The following WNK2 variants were observed in gnomAD, a reference collection of about 807,000 sequenced individuals.
WNK2 encodes the protein serine/threonine-protein kinase WNK2.
Under a neutral mutation model 192.1 loss-of-function variants are expected in WNK2, and 67 were observed. The ratio of observed to expected loss-of-function variants is 0.35; its 90% CI spans 0.29 to 0.43. The LOEUF is 0.43. Ranked by LOEUF, WNK2 falls within the 20% of genes least tolerant of loss-of-function variation. The pLI, the probability that WNK2 is intolerant of heterozygous loss-of-function variation, is 1.00. For synonymous variants in WNK2, 1,439 were observed against 1,393.9 expected (o/e 1.03, Z -0.72); for missense variants, 2,698 against 3,089.7 (o/e 0.87, Z 3.01).
chr9:93,207,520 C>A (rs1287563121), intron 2 of WNK2, among the ~76,000 whole-genome samples: 1 of 152,206 alleles, frequency 6.6e-6, no homozygotes, highest in Non-Finnish European at 1.5e-5. Context: ...TCAGGAGGAG[C>A]CCAACAGGCT....
intron 2 of WNK2, among the ~76,000 whole-genome samples, chr9:93,226,848 G>A (rs1402661803): frequency 1.3e-5 from 2 of 152,188 alleles, no homozygotes; most frequent in African/African-American, 4.8e-5. Flanking sequence ...GATGGGTGCG[G>A]CATGGTTCAT....
rs750579358 is a variant in WNK2, at chr9:93,200,589, G to T, written c.681+14979G>T. 3.9e-5 allele frequency among the ~76,000 whole-genome samples: 6 copies of T among 152,312 alleles called. No individual in the cohort carries two copies. In the South Asian group the frequency reaches 1.2e-3, roughly 32 times the overall value. ...TGCCCTTGGCTTGGTGTGGTTGGAC[G>T]CAGTGAACTTGGCACCCTCGTTTGC... On this transcript the variant is annotated intron_variant, in intron 2 of 29. Transcript: ENST00000427277.
intron 2 of WNK2, among the ~76,000 whole-genome samples, chr9:93,205,626 C>T (rs1833221852): frequency 6.6e-6 from 1 of 152,242 alleles, no homozygotes; most frequent in African/African-American, 2.4e-5. Flanking sequence ...GAAGCTGGCG[C>T]CCGCTCAGCC....
intron 23 of WNK2, among the ~76,000 whole-genome samples, chr9:93,295,107 T>G (rs1193986514): frequency 6.6e-6 from 1 of 152,136 alleles, no homozygotes; most frequent in African/African-American, 2.4e-5. Flanking sequence ...CTTTCAGATG[T>G]CCCAGGCCGC....
chr9:93,209,848 G>T (rs187662677), intron 2 of WNK2, among the ~76,000 whole-genome samples: 1 of 152,200 alleles, frequency 6.6e-6, no homozygotes. Context: ...TCCAGGAAGC[G>T]AGTGGGGCTG....
At chr9:93,320,111 T>TACAGG (rs1855290313) in intron 29 of WNK2, among the ~76,000 whole-genome samples, 2 of 152,222 alleles carry the variant, frequency 1.3e-5, no homozygotes, top group African/African-American at 4.8e-5. Flanking sequence ...CTCCAGACGG[T>TACAGG]ACAGGAGCAG....
At chr9:93,285,594 T>C (rs1848336231) in intron 19 of WNK2, among the ~76,000 whole-genome samples, 1 of 152,236 alleles carries the variant, frequency 6.6e-6, no homozygotes, top group Admixed American at 6.5e-5. Context: ...TAGGAAGATA[T>C]GTACCATATT....
chr9:93,293,144 A>C lies in WNK2; in HGVS notation c.5679A>C (p.Ile1893=). 6.4e-7 allele frequency: 1 copy of C among 1,560,334 alleles called. No homozygotes were observed. Among genetic ancestry groups the C allele is most frequent in the South Asian group, 1.2e-5 (1 of 83,098 alleles). Residue 1893 remains isoleucine, a synonymous_variant, in exon 23 of 30, where the codon ATA becomes ATC. Coordinates refer to ENST00000427277, the MANE Select transcript of WNK2 (RefSeq NM_006648.4). ...DNDSELEDAD[I]KKELQSLREK... is the part of the protein sequence containing the mutation. ...ATTCGGAGCTCGAGGATGCTGACAT[A>C]AAGAAGGAGCTGCAGAGTCTGCGGG... is the stretch of plus-strand genomic sequence containing the variant.
intron 25 of WNK2, 120 bp downstream of exon 25, chr9:93,299,381 G>C: frequency 9.5e-7 from 1 of 1,052,518 alleles, no homozygotes; most frequent in Admixed American, 3.3e-5. Context: ...GCTGTTGAGA[G>C]GCTTCTTTTA....
intron 19 of WNK2, among the ~76,000 whole-genome samples, chr9:93,277,446 A>G (rs1847099860): frequency 6.6e-6 from 1 of 152,214 alleles, no homozygotes; most frequent in Non-Finnish European, 1.5e-5. Flanking sequence ...CCCAATTGCC[A>G]AAACTGGAAA....
intron 7 of WNK2, among the ~76,000 whole-genome samples, chr9:93,246,690 G>A (rs913351599): frequency 7.9e-5 from 12 of 152,206 alleles, no homozygotes; most frequent in African/African-American, 2.9e-4. Flanking sequence ...TCTGTGCCTG[G>A]CACTGCCCCG....
chr9:93,199,330 C>G (rs1234197581), intron 2 of WNK2, among the ~76,000 whole-genome samples: 1 of 152,286 alleles, frequency 6.6e-6, no homozygotes, highest in Non-Finnish European at 1.5e-5. Flanking sequence ...GGGCTCTGGA[C>G]CTGGTGACCT....
chr9:93,312,816 T>G (rs185056405), intron 28 of WNK2, among the ~76,000 whole-genome samples: 4 of 152,270 alleles, frequency 2.6e-5, no homozygotes, highest in Non-Finnish European at 5.9e-5. Flanking sequence ...ATCTCTGGGC[T>G]CTCCTCTCCT....
chr9:93,190,637 C>G (rs912844117), intron 2 of WNK2, among the ~76,000 whole-genome samples: 1 of 152,252 alleles, frequency 6.6e-6, no homozygotes, highest in Non-Finnish European at 1.5e-5. Context: ...CATGCCCTCC[C>G]GCAGCACTGG....
Position 93,229,991 on chromosome 9 carries a change from C to G in WNK2, c.854+123C>G. On this transcript the variant is annotated intron_variant, in intron 3 of 29. Coordinates refer to ENST00000427277, the MANE Select transcript of WNK2 (RefSeq NM_006648.4). The surrounding 1 kb of genome is among the most constrained non-coding windows in gnomAD (Gnocchi z 4.9). ...TGGTGCCTGTGGGAGGCTGTCTCCTCTTTCCTCTCCTGCATGGGATGCCAG... is the reference window on the plus strand; with the variant it reads ...TGGTGCCTGTGGGAGGCTGTCTCCTGTTTCCTCTCCTGCATGGGATGCCAG... The G allele has an allele frequency of 8.3e-7, 1 of 1,209,512 alleles. No individual in the cohort carries two copies. The highest frequency in any genetic ancestry group is 1.1e-6 in the Non-Finnish European group (1 of 880,168). 74.9% of individuals were successfully genotyped at this position (1,209,512 alleles called of 1,614,324 possible).
At chr9:93,209,188 G>C (rs887715884) in intron 2 of WNK2, among the ~76,000 whole-genome samples, 4 of 152,160 alleles carry the variant, frequency 2.6e-5, no homozygotes, top group Non-Finnish European at 5.9e-5. Context: ...TCCACCCCAG[G>C]TAGGTGCGAG....
At chr9:93,228,417 A>G (rs1838176575) in intron 2 of WNK2, among the ~76,000 whole-genome samples, 1 of 152,022 alleles carries the variant, frequency 6.6e-6, no homozygotes, top group Non-Finnish European at 1.5e-5. Flanking sequence ...CTCTCCCCTT[A>G]TCTGTCCAGA....
rs1262394690 is a variant in WNK2, at chr9:93,289,688, G to C, written c.4866+68G>C. The C allele has an allele frequency of 1.5e-5, 21 of 1,392,088 alleles. No homozygotes were observed. In the East Asian group the frequency reaches 2.3e-4, roughly 15 times the overall value. 86.2% of individuals were successfully genotyped at this position (1,392,088 alleles called of 1,614,324 possible). A position where few individuals can be genotyped will look rare whatever the true frequency, so the allele number is the denominator to read the frequency against. On this transcript the variant is annotated intron_variant, in intron 20 of 29. Transcript: ENST00000427277. ...GGCCGGAGCCCGGGCGCAGGCCCGG[G>C]GGTGGGCAGGCATCTTGGCTATGCA... is the stretch of plus-strand genomic sequence containing the variant.
At chr9:93,316,437 T>C (rs537349403) in intron 28 of WNK2, 1 of 152,244 alleles carries the variant, frequency 6.6e-6, no homozygotes, top group South Asian at 2.1e-4. Flanking sequence ...TGGCATCTTT[T>C]TTGTTTCTCT....
Sources: gnomAD v4.1 joint callset for allele counts (sites outside exome capture counted in the v4.1 genomes callset) on GRCh38, gnomAD v4.1.1 for gene constraint, Gnocchi (gnomAD v3.1) non-coding constraint, MANE v1.5 for transcripts, NCBI Gene and HGNC (gene_info 2026-07-23, HGNC 2026-07-21) for gene names.